ADGRG6: variants seen among roughly 807,000 people sequenced by gnomAD.
ADGRG6 encodes adhesion G protein-coupled receptor G6.
ADGRG6 carries 84 observed loss-of-function variants against 142.4 expected under a neutral mutation model. The ratio of observed to expected loss-of-function variants is 0.59; its 90% CI spans 0.49 to 0.71. The LOEUF is 0.71. Among genes scored for constraint, ADGRG6 ranks in the 30% least tolerant of loss-of-function variants. ADGRG6 has a pLI of 0.00. For synonymous variants in ADGRG6, 521 were observed against 520.5 expected (o/e 1.00, Z -0.01); for missense variants, 1,367 against 1,466.6 (o/e 0.93, Z 1.11).
intron 2 of ADGRG6, among the ~76,000 whole-genome samples, chr6:142,339,547 T>C (rs979469734): frequency 3.3e-5 from 5 of 152,208 alleles, no homozygotes; most frequent in Non-Finnish European, 7.4e-5. Flanking sequence ...AGTATCTGGA[T>C]TTGACATTGT....
intron 4 of ADGRG6, among the ~76,000 whole-genome samples, chr6:142,377,075 T>G (rs1583059031): frequency 1.3e-5 from 2 of 152,302 alleles, no homozygotes; most frequent in Non-Finnish European, 2.9e-5. Flanking sequence ...TTCCAGTGAT[T>G]ACATTTTTTT....
rs1196375294 is a variant in ADGRG6, at chr6:142,309,664, A to C, written c.103+20A>C. 1.4e-6 allele frequency: 2 copies of C among 1,430,564 alleles called. No individual in the cohort carries two copies. Among genetic ancestry groups the C allele is most frequent in the African/African-American group, 2.8e-5 (2 of 70,832 alleles). 88.6% of individuals were successfully genotyped at this position (1,430,564 alleles called of 1,614,324 possible). On this transcript the variant is annotated intron_variant, in intron 2 of 24. Coordinates refer to ENST00000367609, the MANE Select transcript of ADGRG6 (RefSeq NM_198569.3). ...ACTCAGGTAAGACTCTTCCTCTTTCACACCTGGAATTTAATCATGATGACA... is the reference window on the plus strand; with the variant it reads ...ACTCAGGTAAGACTCTTCCTCTTTCCCACCTGGAATTTAATCATGATGACA...
intron 2 of ADGRG6, among the ~76,000 whole-genome samples, chr6:142,311,440 G>A (rs947706351): frequency 1.3e-5 from 2 of 151,832 alleles, no homozygotes; most frequent in Non-Finnish European, 2.9e-5. Flanking sequence ...ACTCTTTAGA[G>A]GGTCTTATAG....
chr6:142,331,016 G>T (rs1425599245), intron 2 of ADGRG6, among the ~76,000 whole-genome samples: 1 of 151,834 alleles, frequency 6.6e-6, no homozygotes, highest in African/African-American at 2.4e-5. Flanking sequence ...AGCAAAACTT[G>T]CCTTTGCCTG....
At chr6:142,359,675 A>G (rs1291403595) in intron 2 of ADGRG6, among the ~76,000 whole-genome samples, 2 of 152,230 alleles carry the variant, frequency 1.3e-5, no homozygotes, top group African/African-American at 2.4e-5. Context: ...TGCATTTCCA[A>G]TAATCCATAG....
intron 2 of ADGRG6, among the ~76,000 whole-genome samples, chr6:142,350,666 T>C (rs547262133): frequency 2.6e-5 from 4 of 152,184 alleles, no homozygotes; most frequent in Non-Finnish European, 5.9e-5. Flanking sequence ...TGAAATCAGA[T>C]ATAATCTCAT....
At chr6:142,380,532 T>C (rs1011712268) in intron 4 of ADGRG6, among the ~76,000 whole-genome samples, 1 of 152,168 alleles carries the variant, frequency 6.6e-6, no homozygotes, top group Non-Finnish European at 1.5e-5. Context: ...TGATCATCCT[T>C]ATCAGTTTTT....
rs181772062 is a variant in ADGRG6 at position 142,354,408 on chromosome 6, A to C, written c.104-13161A>C. Among the ~76,000 whole-genome samples, 155 of 152,222 alleles carry C rather than the reference A, an allele frequency of 1.0e-3. 1 individual carries two copies. In the Middle Eastern group the frequency reaches 0.02, roughly 20 times the overall value. On this transcript the variant is annotated intron_variant, in intron 2 of 24. Coordinates refer to ENST00000367609, the MANE Select transcript of ADGRG6 (RefSeq NM_198569.3). ...AAAAACAAACAAACAAACAAACAAAAAAACTTTTGAGTTTTAATGGCCAAA... is the reference window on the plus strand; with the variant it reads ...AAAAACAAACAAACAAACAAACAAACAAACTTTTGAGTTTTAATGGCCAAA...
intron 4 of ADGRG6, among the ~76,000 whole-genome samples, chr6:142,375,104 T>C (rs1781440999): frequency 6.6e-6 from 1 of 152,192 alleles, no homozygotes; most frequent in African/African-American, 2.4e-5. Flanking sequence ...ACCACTCTTC[T>C]ATTCTTTGCT....
In ADGRG6 at chr6:142,405,695, T is replaced by C. The variant is rs182585288; in HGVS notation, c.2135T>C (p.Phe712Ser). The change falls in exon 15 of 25, where the codon TTT becomes TCT. Residue 712 changes from phenylalanine (F) to serine (S), a missense_variant. By Grantham distance (155) the Phe-to-Ser change is radical. Around this residue, in one of 3 missense-constraint regions of ADGRG6, gnomAD observed 286 missense variants for 371.4 expected, o/e 0.77. Coordinates refer to ENST00000367609, the MANE Select transcript of ADGRG6 (RefSeq NM_198569.3). The part of the protein sequence containing the change: ...SNNESYFQMD[F>S]ESGQVDPLAS... ...TCTGTGTGTGTGTGACAGATGGATT[T>C]TGAGAGTGGACAAGTGGATCCACTG... is the stretch of plus-strand genomic sequence containing the variant. The C allele has an allele frequency of 9.7e-5, 156 of 1,608,630 alleles. No homozygotes were observed. In the African/African-American group the frequency reaches 1.2e-3, roughly 13 times the overall value.
intron 18 of ADGRG6, among the ~76,000 whole-genome samples, chr6:142,414,397 A>G (rs1776248974): frequency 6.6e-6 from 1 of 152,182 alleles, no homozygotes; most frequent in Admixed American, 6.5e-5. Context: ...ATGGCATCTC[A>G]GTTATGAAAA....
intron 3 of ADGRG6, among the ~76,000 whole-genome samples, chr6:142,368,282 G>A (rs1781050729): frequency 6.6e-6 from 1 of 152,122 alleles, no homozygotes; most frequent in African/African-American, 2.4e-5. Context: ...TTATGATGTT[G>A]TCCTTTTAAG....
At chr6:142,373,062 G>A (rs998695387) in intron 4 of ADGRG6, among the ~76,000 whole-genome samples, 2 of 152,056 alleles carry the variant, frequency 1.3e-5, no homozygotes, top group African/African-American at 4.8e-5. Context: ...CCCATGTTAC[G>A]GGTTCTATAA....
At chr6:142,319,797 A>G (rs539018560) in intron 2 of ADGRG6, among the ~76,000 whole-genome samples, 13 of 152,112 alleles carry the variant, frequency 8.5e-5, no homozygotes, top group Non-Finnish European at 1.3e-4. Context: ...CACAGCCTTT[A>G]TCTTTATCAT....
At chr6:142,303,668 G>C (rs1011167768) in intron 1 of ADGRG6, among the ~76,000 whole-genome samples, 2 of 152,088 alleles carry the variant, frequency 1.3e-5, no homozygotes, top group African/African-American at 4.8e-5. Flanking sequence ...ATATGAGCTT[G>C]TTTTCAACTT....
At chr6:142,352,027 A>T (rs553168529) in intron 2 of ADGRG6, among the ~76,000 whole-genome samples, 1 of 152,348 alleles carries the variant, frequency 6.6e-6, no homozygotes, top group South Asian at 2.1e-4. Flanking sequence ...AATGTAAATT[A>T]GGTTAGCCAC....
At chr6:142,337,815 A>G (rs1053490701) in intron 2 of ADGRG6, among the ~76,000 whole-genome samples, 3 of 151,838 alleles carry the variant, frequency 2.0e-5, no homozygotes, top group Non-Finnish European at 2.9e-5. Context: ...ATTTACTTTT[A>G]GATTTTATTT....
chr6:142,371,408 C>T (rs554951223), intron 4 of ADGRG6, among the ~76,000 whole-genome samples: 1 of 151,554 alleles, frequency 6.6e-6, no homozygotes, highest in African/African-American at 2.4e-5. Context: ...CTCAAGTGGT[C>T]CACCTATCTC....
chr6:142,417,383 A>G lies in ADGRG6; in HGVS notation c.3035+14A>G. The G allele has an allele frequency of 8.4e-7, 1 of 1,187,048 alleles. No individual in the cohort carries two copies. Among genetic ancestry groups the G allele is most frequent in the African/African-American group, 1.5e-5 (1 of 66,950 alleles). 73.5% of individuals were successfully genotyped at this position (1,187,048 alleles called of 1,614,324 possible). ...AGGTGATGAATTGTAAGTAATAAAA[A>G]CTTTTTGTGATGAGTAGATATCCTT... On this transcript the variant is annotated intron_variant, in intron 21 of 24. Transcript: ENST00000367609.
Sources: gnomAD v4.1 joint callset for allele counts (sites outside exome capture counted in the v4.1 genomes callset) on GRCh38, gnomAD v4.1.1 for gene constraint, gnomAD v4.1.1 regional missense constraint, MANE v1.5 for transcripts, NCBI Gene and HGNC (gene_info 2026-07-23, HGNC 2026-07-21) for gene names.